SAFB2: variants seen among roughly 807,000 people sequenced by gnomAD.
SAFB2 encodes the protein scaffold attachment factor B2.
In SAFB2, 32 loss-of-function variants were observed where a neutral mutation model predicts 100.6. The observed-to-expected ratio is 0.32, with a 90% CI of 0.24 to 0.43. The LOEUF (loss-of-function observed/expected upper bound fraction) is 0.43. Among genes scored for constraint, SAFB2 ranks in the 20% least tolerant of loss-of-function variants. The probability of loss-of-function intolerance (pLI) is 1.00; values close to 1 mark genes in which losing one functional copy is unlikely to be tolerated. For missense variants in SAFB2, 1,185 were observed against 1,163.4 expected (o/e 1.02, Z -0.27); for synonymous variants, 500 against 439.4 (o/e 1.14, Z -1.72).
At chr19:5,601,558 A>C (rs559795539) in intron 11 of SAFB2, among the ~76,000 whole-genome samples, 4 of 152,044 alleles carry the variant, frequency 2.6e-5, no homozygotes, top group Admixed American at 2.0e-4. Context: ...AAAATACAAA[A>C]AAATTTAGCC....
chr19:5,604,503 G>T, intron 11 of SAFB2, 80 bp downstream of exon 11: 2 of 990,500 alleles, frequency 2.0e-6, no homozygotes, highest in Non-Finnish European at 1.6e-6. Flanking sequence ...GGGGACAGAT[G>T]CGTGTTTTTC....
chr19:5,598,711 C>T, intron 13 of SAFB2, 82 bp downstream of exon 13: 3 of 1,279,336 alleles, frequency 2.3e-6, no homozygotes, highest in Non-Finnish European at 3.4e-6. Context: ...CAAAACAGTG[C>T]TGTTTTCATA....
intron 6 of SAFB2, 36 bp downstream of exon 6, chr19:5,612,504 T>C: frequency 6.3e-7 from 1 of 1,593,968 alleles, no homozygotes; most frequent in East Asian, 2.2e-5. Context: ...TGTGAAAACT[T>C]TCAAACCATA....
intron 9 of SAFB2, among the ~76,000 whole-genome samples, chr19:5,609,078 CAACA>C (rs1264010605): frequency 4.3e-4 from 55 of 127,924 alleles, no homozygotes; most frequent in Non-Finnish European, 6.9e-4. Context: ...AAAAAAAGAA[CAACA>C]AACAAACAAA....
chr19:5,596,445 A>G (rs2052537877), intron 13 of SAFB2, among the ~76,000 whole-genome samples: 1 of 152,152 alleles, frequency 6.6e-6, no homozygotes, highest in African/African-American at 2.4e-5. Context: ...TGCAGGATCA[A>G]GTGATCCTCC....
At chr19:5,598,949 C>A in intron 12 of SAFB2, 65 bp from the exon 13 acceptor site, 1 of 1,427,548 alleles carries the variant, frequency 7.0e-7, no homozygotes, top group South Asian at 1.2e-5. Flanking sequence ...CAGTAAACAG[C>A]ACTCTGATGG....
chr19:5,608,099 A>C (rs1357173321), intron 9 of SAFB2, among the ~76,000 whole-genome samples: 1 of 152,194 alleles, frequency 6.6e-6, no homozygotes, highest in East Asian at 1.9e-4. Flanking sequence ...TACTTCAGTC[A>C]AGTAGCTGAG....
intron 13 of SAFB2, among the ~76,000 whole-genome samples, chr19:5,596,083 T>C (rs1347112752): frequency 2.6e-5 from 4 of 152,114 alleles, no homozygotes; most frequent in African/African-American, 9.7e-5. Flanking sequence ...ACCAACATGG[T>C]GAAACCCCGT....
chr19:5,593,149 G>A (rs958482924), intron 15 of SAFB2, among the ~76,000 whole-genome samples: 3 of 152,190 alleles, frequency 2.0e-5, no homozygotes, highest in African/African-American at 7.2e-5. Context: ...TGTCTCGTGA[G>A]GCTGTTATTA....
intron 17 of SAFB2, among the ~76,000 whole-genome samples, chr19:5,590,975 CCA>C (rs1304092267): frequency 1.3e-5 from 2 of 152,242 alleles, no homozygotes; most frequent in Non-Finnish European, 2.9e-5. Context: ...CCGCATGGCA[CCA>C]CAGAGACTCA....
chr19:5,595,419 T>G lies in SAFB2; in HGVS notation c.1861A>C (p.Arg621=). Residue 621 remains arginine, a synonymous_variant, in exon 14 of 21, where the codon AGG becomes CGG. Coordinates refer to ENST00000252542, the MANE Select transcript of SAFB2 (RefSeq NM_014649.3). ...CGCTGCCTCTGGCGCTCTCTCTCCCTTTGTTCTTTGATTTTATCAAACGAC... is the reference window on the plus strand; with the variant it reads ...CGCTGCCTCTGGCGCTCTCTCTCCCGTTGTTCTTTGATTTTATCAAACGAC... ...ILSFDKIKEQ[R]ERERQRQRER... The G allele has an allele frequency of 6.2e-7, 1 of 1,613,618 alleles. No homozygotes were observed. Among genetic ancestry groups the G allele is most frequent in the Non-Finnish European group, 8.5e-7 (1 of 1,179,950 alleles).
chr19:5,598,171 A>T (rs971145091), intron 13 of SAFB2, among the ~76,000 whole-genome samples: 1 of 151,928 alleles, frequency 6.6e-6, no homozygotes, highest in Non-Finnish European at 1.5e-5. Context: ...TCTTAACAAC[A>T]CAAAGTGGTC....
chr19:5,617,591 T>C (rs2053059062), intron 2 of SAFB2, among the ~76,000 whole-genome samples: 1 of 152,202 alleles, frequency 6.6e-6, no homozygotes, highest in Non-Finnish European at 1.5e-5. Context: ...CATTCAGATA[T>C]GGTTCACAAC....
chr19:5,598,103 CCA>C (rs901914424), intron 13 of SAFB2, among the ~76,000 whole-genome samples: 1 of 148,996 alleles, frequency 6.7e-6, no homozygotes, highest in Non-Finnish European at 1.5e-5. Context: ...CCACTGCACT[CCA>C]GCCTGAGTGA....
At position 5,621,317 on chromosome 19, in the gene SAFB2, C is replaced by A; in HGVS notation, c.266G>T (p.Cys89Phe). The change falls in exon 2 of 21, where the codon TGT becomes TTT. Residue 89 changes from cysteine to phenylalanine, a missense_variant. Physicochemically the swap from Cys to Phe is radical, Grantham distance 205. Coordinates refer to ENST00000252542, the MANE Select transcript of SAFB2 (RefSeq NM_014649.3). ...CAGCATATGTACAATACCTTTAACA[C>A]ATCTCTTGGCTGACTTCTTGCTGGT... ...EATSKKSAKRCVKGLKMEEEG... is the reference protein window; with the variant it reads ...EATSKKSAKRFVKGLKMEEEG... 6.2e-7 allele frequency: 1 copy of A among 1,607,690 alleles called. No individual in the cohort carries two copies. The highest frequency in any genetic ancestry group is 8.5e-7 in the Non-Finnish European group (1 of 1,174,114).
At chr19:5,595,249 C>G in intron 14 of SAFB2, 112 bp downstream of exon 14, 3 of 1,411,302 alleles carry the variant, frequency 2.1e-6, no homozygotes, top group Middle Eastern at 2.6e-4. Context: ...CACCCGCCAG[C>G]CCAGGCACTG....
intron 14 of SAFB2, among the ~76,000 whole-genome samples, chr19:5,594,564 T>G (rs1229069623): frequency 2.0e-5 from 3 of 152,028 alleles, no homozygotes; most frequent in Admixed American, 1.3e-4. Flanking sequence ...CGCGGCAAAA[T>G]GACAACTGGA....
chr19:5,613,664 C>G, intron 4 of SAFB2, 137 bp from the exon 5 acceptor site: 1 of 1,466,746 alleles, frequency 6.8e-7, no homozygotes, highest in Non-Finnish European at 9.0e-7. Flanking sequence ...TTGGGTCATT[C>G]AGTTCAGCAC....
intron 9 of SAFB2, 118 bp downstream of exon 9, chr19:5,609,877 A>C: frequency 1.2e-6 from 1 of 845,578 alleles, no homozygotes; most frequent in South Asian, 1.5e-5. Context: ...GGCTCAAGCA[A>C]TCCTCCTGCC....
Sources: allele counts gnomAD v4.1 joint callset (sites outside exome capture counted in the v4.1 genomes callset), GRCh38; gene constraint gnomAD v4.1.1; transcripts MANE v1.5; gene names NCBI Gene and HGNC (gene_info 2026-07-23, HGNC 2026-07-21).